The following RGS6 variants were observed in gnomAD, a reference collection of about 807,000 sequenced individuals.
RGS6 encodes regulator of G protein signaling 6, also known as regulator of G-protein signaling 6.
Under a neutral mutation model 78.5 loss-of-function variants are expected in RGS6, and 30 were observed. The observed-to-expected ratio is 0.38, with a 90% CI of 0.29 to 0.52. RGS6 has a LOEUF of 0.52. Ranked by LOEUF, RGS6 falls within the 20% of genes least tolerant of loss-of-function variation. RGS6 has a pLI of 0.85. For missense variants in RGS6, 495 were observed against 609.7 expected, an observed-to-expected ratio of 0.81 and a Z score of 1.98; for synonymous variants, 206 against 206.0, an observed-to-expected ratio of 1.00 and a Z score of 0.00.
chr14:72,392,052 T>G (rs985382196), intron 3 of RGS6, among the ~76,000 whole-genome samples: 5 of 152,186 alleles, frequency 3.3e-5, no homozygotes, highest in Admixed American at 3.3e-4. Flanking sequence ...AGACAGGGTC[T>G]CTGTCACCCA....
intron 2 of RGS6, among the ~76,000 whole-genome samples, chr14:72,219,758 T>G (rs1269031178): frequency 6.6e-6 from 1 of 152,186 alleles, no homozygotes; most frequent in Non-Finnish European, 1.5e-5. Context: ...TCTTATTGTA[T>G]CTCCAAGACT....
In RGS6 at chr14:72,495,213, T is replaced by A; in HGVS notation, c.916T>A (p.Ser306Thr). Residue 306 changes from serine (S) to threonine (T), a missense_variant, in exon 13 of 18, where the codon TCC becomes ACC. Ser to Thr is a moderately conservative substitution (Grantham distance 58). Transcript: ENST00000553525. ...YDPLITPAEPSNPWISDDVAL... is the reference protein window; with the variant it reads ...YDPLITPAEPTNPWISDDVAL... ...CCCTTTGATAACACCAGCTGAGCCA[T>A]CCAACCCTTGGATCAGCGATGACGT... 1 of 1,613,756 alleles carries A rather than the reference T, an allele frequency of 6.2e-7. No homozygotes were observed. Among genetic ancestry groups the A allele is most frequent in the Non-Finnish European group, 8.5e-7 (1 of 1,179,698 alleles).
At chr14:72,556,765 G>A (rs1426886062) in intron 17 of RGS6, among the ~76,000 whole-genome samples, 3 of 152,070 alleles carry the variant, frequency 2.0e-5, no homozygotes, top group Non-Finnish European at 4.4e-5. Context: ...TTTTTAAACA[G>A]GTTCAGTTTT....
chr14:72,354,701 T>G (rs1035855711), intron 3 of RGS6, among the ~76,000 whole-genome samples: 2 of 152,034 alleles, frequency 1.3e-5, no homozygotes, highest in African/African-American at 4.8e-5. Flanking sequence ...TGAGGGGCCC[T>G]CCTTCATAAA....
chr14:72,593,287 T>C, the RGS6 span, among the ~76,000 whole-genome samples: 354 of 152,382 alleles, frequency 2.3e-3, 1 homozygote, highest in South Asian at 0.01. Flanking sequence ...TAAGATTATT[T>C]AGACTGATGT....
chr14:71,873,263 G>A, the RGS6 span, among the ~76,000 whole-genome samples: 1 of 152,170 alleles, frequency 6.6e-6, no homozygotes, highest in Non-Finnish European at 1.5e-5. Context: ...CACAAACAGT[G>A]TAAAAGCATT....
rs1026183043 is a variant in RGS6 at position 72,176,563 on chromosome 14, A to G, written c.85-175532A>G. Among the ~76,000 whole-genome samples, 20 of 152,198 alleles carry G rather than the reference A, an allele frequency of 1.3e-4. 1 individual carries two copies. The highest frequency in any genetic ancestry group is 1.0e-3 in the Admixed American group (16 of 15,286). The stretch of plus-strand genomic sequence containing the variant: ...TCCCTTTGCCCACATATAGGAGACA[A>G]TCCCCTTACAAAGAGCCAAGAGCAA... On this transcript the variant is annotated intron_variant, in intron 2 of 17. Coordinates refer to ENST00000553525, the MANE Select transcript of RGS6 (RefSeq NM_001204424.2).
intron 16 of RGS6, among the ~76,000 whole-genome samples, chr14:72,536,962 G>A (rs907408604): frequency 6.2e-4 from 94 of 152,138 alleles, no homozygotes; most frequent in African/African-American, 2.1e-3. Context: ...CAGCATGCAG[G>A]TGAGGGGTGA....
intron 2 of RGS6, among the ~76,000 whole-genome samples, chr14:72,347,984 A>C (rs1264286019): frequency 6.6e-6 from 1 of 152,180 alleles, no homozygotes; most frequent in East Asian, 1.9e-4. Flanking sequence ...GTATAGTGTA[A>C]GGGGCTAACT....
At chr14:72,241,117 A>G (rs1412828162) in intron 2 of RGS6, among the ~76,000 whole-genome samples, 1 of 148,462 alleles carries the variant, frequency 6.7e-6, no homozygotes, top group Admixed American at 6.9e-5. Context: ...AGATCATGCC[A>G]CTGCATTCCA....
chr14:72,130,542 C>A (rs1430498322), intron 2 of RGS6, among the ~76,000 whole-genome samples: 6 of 152,116 alleles, frequency 3.9e-5, no homozygotes, highest in Admixed American at 3.9e-4. Flanking sequence ...TCATTATGAA[C>A]AACAAAAGAT....
chr14:72,155,796 C>T (rs899576344), intron 2 of RGS6, among the ~76,000 whole-genome samples: 1 of 152,238 alleles, frequency 6.6e-6, no homozygotes, highest in Non-Finnish European at 1.5e-5. Context: ...ACTGTGGTGG[C>T]TGGGGACCAC....
At chr14:71,942,819 G>T (rs1049503943) in intron 1 of RGS6, among the ~76,000 whole-genome samples, 4 of 152,090 alleles carry the variant, frequency 2.6e-5, no homozygotes, top group Admixed American at 2.0e-4. Flanking sequence ...TTTATGTGTG[G>T]TAACTTCAAA....
At chr14:72,036,200 A>ATATTATTATCATTATTAT (rs2091682388) in intron 2 of RGS6, among the ~76,000 whole-genome samples, 1 of 146,800 alleles carries the variant, frequency 6.8e-6, no homozygotes. Flanking sequence ...GCATGTAAAC[A>ATATTATTATCATTATTAT]TATTATTATT....
chr14:72,589,000 T>C, the RGS6 span, among the ~76,000 whole-genome samples: 1 of 152,002 alleles, frequency 6.6e-6, no homozygotes, highest in Non-Finnish European at 1.5e-5. Flanking sequence ...CTTCGAAGAG[T>C]TGGGAAGCTT....
chr14:72,629,539 A>T, the RGS6 span: 1 of 1,311,670 alleles, frequency 7.6e-7, no homozygotes, highest in Non-Finnish European at 1.1e-6. Context: ...GGGCCTAGTG[A>T]CAAGAGTCCT....
At chr14:72,230,148 C>G (rs535141319) in intron 2 of RGS6, among the ~76,000 whole-genome samples, 2 of 152,132 alleles carry the variant, frequency 1.3e-5, no homozygotes, top group Non-Finnish European at 2.9e-5. Context: ...GAGATATTGA[C>G]GGGATGGGCT....
At chr14:72,044,888 C>A (rs1254438997) in intron 2 of RGS6, among the ~76,000 whole-genome samples, 4 of 151,750 alleles carry the variant, frequency 2.6e-5, no homozygotes, top group Non-Finnish European at 4.4e-5. Flanking sequence ...ACAAAAAAAA[C>A]CAAACTAACA....
At chr14:72,138,690 TCTG>T (rs2096490076) in intron 2 of RGS6, among the ~76,000 whole-genome samples, 2 of 152,024 alleles carry the variant, frequency 1.3e-5, no homozygotes, top group African/African-American at 4.8e-5. Context: ...CCACCTGAGT[TCTG>T]CGTCCTATCA....
Sources: gnomAD v4.1 joint callset for allele counts (sites outside exome capture counted in the v4.1 genomes callset) on GRCh38, gnomAD v4.1.1 for gene constraint, MANE v1.5 for transcripts, NCBI Gene and HGNC (gene_info 2026-07-23, HGNC 2026-07-21) for gene names.